Variants in STUM observed in about 807,000 individuals in gnomAD.
STUM encodes the protein stum, mechanosensory transduction mediator homolog.
In STUM, 8 loss-of-function variants were observed where a neutral mutation model predicts 15.3. That is an observed-to-expected ratio of 0.52 (90% CI 0.31 to 0.94). The LOEUF (loss-of-function observed/expected upper bound fraction) is 0.94, where lower values mean the gene tolerates loss of function less well. STUM is among the 40% of genes least tolerant of loss of function. The probability of loss-of-function intolerance (pLI) is 0.05; values close to 1 mark genes in which losing one functional copy is unlikely to be tolerated. For missense variants in STUM, 142 were observed against 204.9 expected (o/e 0.69, Z 1.87); for synonymous variants, 78 against 88.7 (o/e 0.88, Z 0.68).
intron 1 of STUM, among the ~76,000 whole-genome samples, chr1:226,591,790 A>G (rs963054425): frequency 6.6e-6 from 1 of 152,150 alleles, no homozygotes; most frequent in African/African-American, 2.4e-5. Flanking sequence ...CCAATTTCCT[A>G]TGGTTCAGCC....
At chr1:226,597,003 G>A (rs755313979) in intron 2 of STUM, 22 bp downstream of exon 2, 24 of 1,611,988 alleles carry the variant, frequency 1.5e-5, no homozygotes, top group Admixed American at 6.7e-5. Flanking sequence ...TTGGTGCTGC[G>A]CCTCCTGGGG....
Position 226,549,140 on chromosome 1 carries a change from C to G in STUM, c.202+34C>G, listed in dbSNP as rs200329939. 0.011 allele frequency: 17,484 copies of G among 1,544,946 alleles called. 177 individuals carry two copies. Among genetic ancestry groups the G allele is most frequent in the South Asian group, 0.035 (2,940 of 85,194 alleles). ...CGGCTGCCGCGACCCTTGCGACCCC[C>G]ACCCCGCCGCGGGAGGGCGTGGGGG... On this transcript the variant is annotated intron_variant, in intron 1 of 3. Transcript: ENST00000366788. The surrounding 1 kb of genome is among the most constrained non-coding windows in gnomAD (Gnocchi z 6.8).
rs556289113 is a variant in STUM, at chr1:226,567,107, A to G, written c.202+18001A>G. Among the ~76,000 whole-genome samples, 1 of 152,278 alleles carries G rather than the reference A, an allele frequency of 6.6e-6. No homozygotes were observed. The highest frequency in any genetic ancestry group is 2.4e-5 in the African/African-American group (1 of 41,558). On this transcript the variant is annotated intron_variant, in intron 1 of 3. Coordinates refer to ENST00000366788, the MANE Select transcript of STUM (RefSeq NM_001003665.4). This position sits in a 1 kb window ranked among gnomAD's most constrained non-coding sequence, Gnocchi z 4.5. Reference sequence around the variant, plus strand: ...TTGGAAGTAGATCTGGTTGGGGGAGAAGGAGACCAGCCTGTTCCTAGGATG... The same window carrying G: ...TTGGAAGTAGATCTGGTTGGGGGAGGAGGAGACCAGCCTGTTCCTAGGATG...
At chr1:226,574,047 G>A (rs1471183424) in intron 1 of STUM, among the ~76,000 whole-genome samples, 4 of 152,098 alleles carry the variant, frequency 2.6e-5, no homozygotes, top group Admixed American at 1.3e-4. Context: ...TGTTGGTCAG[G>A]CTGGTCTCAA....
At chr1:226,562,531 A>T (rs1294677513) in intron 1 of STUM, among the ~76,000 whole-genome samples, 1 of 152,142 alleles carries the variant, frequency 6.6e-6, no homozygotes, top group Non-Finnish European at 1.5e-5. Flanking sequence ...AAAAATTAAC[A>T]TCATCAACAA....
Position 226,567,621 on chromosome 1 carries a change from C to T in STUM, c.202+18515C>T, listed in dbSNP as rs565820037. The stretch of plus-strand genomic sequence containing the variant: ...CAGAGAATGAGCTATACAAAGAGAT[C>T]GAGGGAGGAGATGAACAGGTAAGAC... On this transcript the variant is annotated intron_variant, in intron 1 of 3. Coordinates refer to ENST00000366788, the MANE Select transcript of STUM (RefSeq NM_001003665.4). This position sits in a 1 kb window ranked among gnomAD's most constrained non-coding sequence, Gnocchi z 4.5. Among the ~76,000 whole-genome samples, 2 of 152,146 alleles carry T rather than the reference C, an allele frequency of 1.3e-5. No individual in the cohort carries two copies. The highest frequency in any genetic ancestry group is 2.1e-4 in the South Asian group (1 of 4,808).
At chr1:226,595,839 G>A (rs1408779394) in intron 1 of STUM, among the ~76,000 whole-genome samples, 1 of 152,172 alleles carries the variant, frequency 6.6e-6, no homozygotes, top group Non-Finnish European at 1.5e-5. Context: ...ATTTTCCCCT[G>A]GAGCCTCCAG....
At chr1:226,584,813 A>G (rs544094100) in intron 1 of STUM, among the ~76,000 whole-genome samples, 1 of 152,334 alleles carries the variant, frequency 6.6e-6, no homozygotes, top group East Asian at 1.9e-4. Flanking sequence ...CTCTGCAGCT[A>G]GTGAGGAGCT....
At chr1:226,569,484 T>G (rs532598000) in intron 1 of STUM, among the ~76,000 whole-genome samples, 9 of 152,288 alleles carry the variant, frequency 5.9e-5, no homozygotes, top group Admixed American at 5.9e-4. Flanking sequence ...TCAGTAATTT[T>G]GGGGCCAAAT....
Position 226,552,469 on chromosome 1 carries a change from C to A in STUM, c.202+3363C>A, listed in dbSNP as rs1260290544. Among the ~76,000 whole-genome samples, 1 of 152,102 alleles carries A rather than the reference C, an allele frequency of 6.6e-6. No homozygotes were observed. The highest frequency in any genetic ancestry group is 1.5e-5 in the Non-Finnish European group (1 of 68,022). ...CCTGTAATGAAAGTTCATTGTTATG[C>A]CCCAACATGGCCAGAGAGTTTGTCT... On this transcript the variant is annotated intron_variant, in intron 1 of 3. Transcript: ENST00000366788. The surrounding 1 kb of genome is among the most constrained non-coding windows in gnomAD (Gnocchi z 4.7).
At position 226,548,877 on chromosome 1, in the gene STUM, G is replaced by T. The variant is rs1171291800; in HGVS notation, c.-28G>T. On this transcript the variant is annotated 5_prime_UTR_variant, in exon 1 of 4. Transcript: ENST00000366788. ...GCTGGGCGCCAGCTCCGGCCGTGCTGCCCGGCTGCCTGAGAGCGCGCCCGG... is the reference window on the plus strand; with the variant it reads ...GCTGGGCGCCAGCTCCGGCCGTGCTTCCCGGCTGCCTGAGAGCGCGCCCGG... 7.5e-6 allele frequency: 10 copies of T among 1,338,160 alleles called. No homozygotes were observed. The highest frequency in any genetic ancestry group is 3.1e-5 in the East Asian group (1 of 31,914). The allele number at this position is 1,338,160 out of a possible 1,614,324, so 82.9% of individuals were successfully genotyped here. A position where few individuals can be genotyped will look rare whatever the true frequency, so the allele number is the denominator to read the frequency against.
chr1:226,598,323 G>T (rs1668215244), intron 2 of STUM, among the ~76,000 whole-genome samples: 1 of 152,164 alleles, frequency 6.6e-6, no homozygotes, highest in African/African-American at 2.4e-5. Context: ...AAGGTTGAAG[G>T]CTGCCCAATT....
At position 226,552,185 on chromosome 1, in the gene STUM, C is replaced by G. The variant is rs1667383904; in HGVS notation, c.202+3079C>G. ...AAAATTCCCCAGTGCCTTCTCCACC[C>G]AAGCAACAGTGCTCTCGGGATAACA... On this transcript the variant is annotated intron_variant, in intron 1 of 3. Transcript: ENST00000366788. The surrounding 1 kb of genome is among the most constrained non-coding windows in gnomAD (Gnocchi z 4.7). Among the ~76,000 whole-genome samples, 1 of 152,078 alleles carries G rather than the reference C, an allele frequency of 6.6e-6. No homozygotes were observed. Among genetic ancestry groups the G allele is most frequent in the African/African-American group, 2.4e-5 (1 of 41,394 alleles).
chr1:226,597,056 T>C lies in STUM; in HGVS notation c.382+75T>C, dbSNP rs78881632. 6.7e-5 allele frequency: 96 copies of C among 1,424,440 alleles called. 1 individual carries two copies. The East Asian group carries it at 2.0e-3, about 29-fold the overall frequency. The allele number at this position is 1,424,440 out of a possible 1,614,324, so 88.2% of individuals were successfully genotyped here. On this transcript the variant is annotated intron_variant, in intron 2 of 3. Transcript: ENST00000366788. ...ACAGGAAGGGCTTGGGAGACCTTCA[T>C]GTCTGGCCGAGGTCCTGCTCACCCG...
intron 1 of STUM, among the ~76,000 whole-genome samples, chr1:226,574,920 A>G (rs550090345): frequency 3.1e-4 from 47 of 152,294 alleles, no homozygotes; most frequent in East Asian, 1.4e-3. Flanking sequence ...ACCCCAACTC[A>G]TGGGGAACAA....
chr1:226,575,628 TGAA>T (rs1304960233), intron 1 of STUM, among the ~76,000 whole-genome samples: 1 of 152,222 alleles, frequency 6.6e-6, no homozygotes, highest in Non-Finnish European at 1.5e-5. Flanking sequence ...AGGGCAAACA[TGAA>T]GGTGTTTCTT....
At chr1:226,577,242 G>A (rs1667832313) in intron 1 of STUM, among the ~76,000 whole-genome samples, 1 of 152,226 alleles carries the variant, frequency 6.6e-6, no homozygotes, top group Non-Finnish European at 1.5e-5. Context: ...CCAGTGCAGG[G>A]AAGAGAGTGT....
chr1:226,597,486 C>T, intron 2 of STUM: 1 of 472,260 alleles, frequency 2.1e-6, no homozygotes, highest in African/African-American at 2.0e-5. Flanking sequence ...ACTCTGTACC[C>T]CATGCCCCTC....
In STUM at chr1:226,549,831, A is replaced by G. The variant is rs752823307; in HGVS notation, c.202+725A>G. Among the ~76,000 whole-genome samples the G allele has an allele frequency of 6.6e-6, 1 of 152,222 alleles. No individual in the cohort carries two copies. ...AGAGTGCGCCGATGTAATTCTGTGC[A>G]GGACTCCGGCAGCCGGCAGGGGTTC... is the stretch of plus-strand genomic sequence containing the variant. On this transcript the variant is annotated intron_variant, in intron 1 of 3. Coordinates refer to ENST00000366788, the MANE Select transcript of STUM (RefSeq NM_001003665.4). This position sits in a 1 kb window ranked among gnomAD's most constrained non-coding sequence, Gnocchi z 6.8.
Sources: gnomAD v4.1 joint callset for allele counts (sites outside exome capture counted in the v4.1 genomes callset) on GRCh38, gnomAD v4.1.1 for gene constraint, Gnocchi (gnomAD v3.1) non-coding constraint, MANE v1.5 for transcripts, NCBI Gene and HGNC (gene_info 2026-07-23, HGNC 2026-07-21) for gene names.